NRG1: variants seen among roughly 807,000 people sequenced by gnomAD.
NRG1 encodes the protein pro-neuregulin-1, membrane-bound isoform.
Under a neutral mutation model 63.8 loss-of-function variants are expected in NRG1, and 18 were observed. The ratio of observed to expected loss-of-function variants is 0.28; its 90% confidence interval spans 0.19 to 0.42. The LOEUF (loss-of-function observed/expected upper bound fraction) is 0.42. Ranked by LOEUF, NRG1 falls within the 10% of genes least tolerant of loss-of-function variation. NRG1 has a pLI of 1.00. For synonymous variants in NRG1, 302 were observed against 301.3 expected (o/e 1.00, Z -0.02); for missense variants, 762 against 814.7 (o/e 0.94, Z 0.79).
At chr8:31,982,503 T>C (rs940928956) in intron 1 of NRG1, among the ~76,000 whole-genome samples, 12 of 151,916 alleles carry the variant, frequency 7.9e-5, no homozygotes, top group African/African-American at 1.2e-4. Context: ...TCCATGACTA[T>C]AGAACAGGAA....
chr8:32,594,858 A>C lies in NRG1; in HGVS notation c.101-970A>C, dbSNP rs190806657. Among the ~76,000 whole-genome samples the C allele has an allele frequency of 5.1e-4, 78 of 152,354 alleles. 1 individual carries two copies. The highest frequency in any genetic ancestry group is 1.8e-3 in the African/African-American group (75 of 41,582). The stretch of plus-strand genomic sequence containing the variant: ...GGTCCATTCATTGTGTATGGGATAG[A>C]AACTCTGTAGGTCCAGTCAAAGAGT... On this transcript the variant is annotated intron_variant, in intron 1 of 11. Transcript: ENST00000356819.
intron 5 of NRG1, among the ~76,000 whole-genome samples, chr8:32,618,514 C>G (rs1355699702): frequency 6.6e-6 from 1 of 152,132 alleles, no homozygotes; most frequent in African/African-American, 2.4e-5. Context: ...TGACTCCATT[C>G]CCTAATTCTC....
At chr8:32,196,696 A>G (rs1842980449) in intron 1 of NRG1, among the ~76,000 whole-genome samples, 1 of 152,106 alleles carries the variant, frequency 6.6e-6, no homozygotes, top group Non-Finnish European at 1.5e-5. Flanking sequence ...CTTTCATTCC[A>G]TTGTAGAGTA....
intron 1 of NRG1, among the ~76,000 whole-genome samples, chr8:32,275,574 C>T (rs189914356): frequency 6.6e-6 from 1 of 152,186 alleles, no homozygotes; most frequent in Non-Finnish European, 1.5e-5. Context: ...GGAACTGGGA[C>T]ATGCTTGGCA....
At chr8:32,134,161 ACT>A (rs566786247) in intron 1 of NRG1, among the ~76,000 whole-genome samples, 1 of 152,120 alleles carries the variant, frequency 6.6e-6, no homozygotes, top group South Asian at 2.1e-4. Context: ...CAGCATGAAG[ACT>A]CTACATATAG....
At chr8:32,067,711 G>A (rs886152071) in intron 1 of NRG1, among the ~76,000 whole-genome samples, 6 of 152,112 alleles carry the variant, frequency 3.9e-5, no homozygotes, top group African/African-American at 1.4e-4. Context: ...CACCTTTGAG[G>A]TGAGGACATT....
At chr8:32,414,947 C>T (rs1587494272) in intron 1 of NRG1, among the ~76,000 whole-genome samples, 1 of 152,152 alleles carries the variant, frequency 6.6e-6, no homozygotes, top group East Asian at 1.9e-4. Flanking sequence ...CGAAAAACAG[C>T]GATCTCATCC....
At chr8:32,284,841 AC>A (rs1853337376) in intron 1 of NRG1, among the ~76,000 whole-genome samples, 1 of 152,110 alleles carries the variant, frequency 6.6e-6, no homozygotes, top group African/African-American at 2.4e-5. Context: ...GAGCCACTGC[AC>A]CCAGCCTCAC....
intron 1 of NRG1, among the ~76,000 whole-genome samples, chr8:31,787,248 C>G (rs1008837169): frequency 1.3e-5 from 2 of 152,172 alleles, no homozygotes; most frequent in African/African-American, 4.8e-5. Context: ...CTTTAAAATG[C>G]AAGTGCAACT....
chr8:31,681,094 AC>A (rs1289448551), intron 1 of NRG1, among the ~76,000 whole-genome samples: 1 of 152,150 alleles, frequency 6.6e-6, no homozygotes, highest in Non-Finnish European at 1.5e-5. Context: ...AATAAATGCT[AC>A]ATGACAATTG....
At chr8:32,418,408 C>G (rs1816234372) in intron 1 of NRG1, among the ~76,000 whole-genome samples, 1 of 151,566 alleles carries the variant, frequency 6.6e-6, no homozygotes, top group Admixed American at 6.6e-5. Flanking sequence ...CTTTTATATA[C>G]ATAGAACATT....
At chr8:32,673,660 T>C (rs1806293698) in intron 5 of NRG1, among the ~76,000 whole-genome samples, 1 of 152,204 alleles carries the variant, frequency 6.6e-6, no homozygotes, top group Non-Finnish European at 1.5e-5. Flanking sequence ...TATCTAGAGA[T>C]AGTAAGTCAG....
At chr8:32,628,231 G>A (rs1849642201) in intron 5 of NRG1, among the ~76,000 whole-genome samples, 2 of 152,146 alleles carry the variant, frequency 1.3e-5, no homozygotes, top group Non-Finnish European at 2.9e-5. Flanking sequence ...GTGATACGAA[G>A]AGGCATAGCC....
At chr8:32,631,886 G>C (rs994536571) in intron 5 of NRG1, among the ~76,000 whole-genome samples, 3 of 151,958 alleles carry the variant, frequency 2.0e-5, no homozygotes, top group African/African-American at 4.8e-5. Context: ...TGGCTTTTTG[G>C]GGGTGGACAC....
chr8:32,122,616 TTTA>T (rs576330252), intron 1 of NRG1, among the ~76,000 whole-genome samples: 3,663 of 150,584 alleles, frequency 0.024, 153 homozygotes, highest in African/African-American at 0.083. Flanking sequence ...TTAAGAACTT[TTTA>T]TTATTATTAT....
intron 1 of NRG1, among the ~76,000 whole-genome samples, chr8:32,409,516 AG>A (rs1814587449): frequency 6.6e-6 from 1 of 152,242 alleles, no homozygotes; most frequent in Admixed American, 6.5e-5. Flanking sequence ...CATCCAATGA[AG>A]GGCTGATATC....
intron 1 of NRG1, among the ~76,000 whole-genome samples, chr8:32,589,966 T>A (rs1055452894): frequency 2.6e-5 from 4 of 152,192 alleles, no homozygotes; most frequent in East Asian, 3.9e-4. Context: ...ACAACCACAT[T>A]TTTCTTCCCT....
intron 1 of NRG1, among the ~76,000 whole-genome samples, chr8:31,818,308 T>C (rs915786829): frequency 6.6e-6 from 1 of 152,212 alleles, no homozygotes; most frequent in African/African-American, 2.4e-5. Flanking sequence ...ACAATTTTTA[T>C]GTTTTAAGCC....
rs1306599065 is a variant in NRG1, at chr8:31,639,924, A to C, written c.37+493A>C. 2.7e-6 allele frequency: 3 copies of C among 1,112,968 alleles called. No homozygotes were observed. In the African/African-American group the frequency reaches 5.0e-5, roughly 18 times the overall value. The allele number at this position is 1,112,968 out of a possible 1,614,324, so 68.9% of individuals were successfully genotyped here. A position where few individuals can be genotyped will look rare whatever the true frequency, so the allele number is the denominator to read the frequency against. On this transcript the variant is annotated intron_variant, in intron 1 of 10. Transcript: ENST00000519301. The stretch of plus-strand genomic sequence containing the variant: ...CTGCGAGGGGAAGGAAAAGGGAGGC[A>C]GCGCGAGAGAGCCGGGCAGAGTCCG...
Sources: allele counts gnomAD v4.1 joint callset (sites outside exome capture counted in the v4.1 genomes callset), GRCh38; gene constraint gnomAD v4.1.1; transcripts MANE v1.5; gene names NCBI Gene and HGNC (gene_info 2026-07-23, HGNC 2026-07-21).